The following IGFBP7 variants were observed in gnomAD, a reference collection of about 807,000 sequenced individuals.
The protein encoded by IGFBP7 is insulin like growth factor binding protein 7, also known as insulin-like growth factor-binding protein 7.
A neutral mutation model predicts 29.4 loss-of-function variants in IGFBP7; 31 were observed. The ratio of observed to expected loss-of-function variants is 1.05; its 90% CI spans 0.79 to 1.42. The LOEUF (loss-of-function observed/expected upper bound fraction) is 1.42. IGFBP7 is among the 40% of genes most tolerant of loss of function. The pLI is 0.00. For missense variants in IGFBP7, 393 were observed against 395.5 expected (o/e 0.99, Z 0.05); for synonymous variants, 172 against 174.9 (o/e 0.98, Z 0.13).
chr4:57,061,265 G>T (rs956586893), intron 1 of IGFBP7, among the ~76,000 whole-genome samples: 2 of 151,930 alleles, frequency 1.3e-5, no homozygotes, highest in Non-Finnish European at 2.9e-5. Context: ...GGATAGTACC[G>T]AACTTTATAC....
At chr4:57,079,025 T>C (rs1281498378) in intron 1 of IGFBP7, among the ~76,000 whole-genome samples, 3 of 152,148 alleles carry the variant, frequency 2.0e-5, no homozygotes, top group Non-Finnish European at 4.4e-5. Flanking sequence ...TGAATGTTGT[T>C]CTTCAGAGCT....
intron 1 of IGFBP7, among the ~76,000 whole-genome samples, chr4:57,048,605 G>T (rs1379009143): frequency 6.6e-6 from 1 of 152,136 alleles, no homozygotes; most frequent in African/African-American, 2.4e-5. Flanking sequence ...TTTTGAATTT[G>T]ACCAGCAATT....
intron 4 of IGFBP7, 124 bp from the exon 5 acceptor site, chr4:57,031,460 A>G (rs1233458277): frequency 2.7e-6 from 2 of 728,642 alleles, no homozygotes; most frequent in Non-Finnish European, 4.8e-6. Flanking sequence ...TAAAGGATAT[A>G]TGAGTAATTG....
intron 1 of IGFBP7, among the ~76,000 whole-genome samples, chr4:57,102,703 G>T (rs1307151090): frequency 6.6e-6 from 1 of 152,082 alleles, no homozygotes; most frequent in Admixed American, 6.6e-5. Context: ...GTCCTCTAAG[G>T]CCCCACTTTG....
At chr4:57,038,217 T>C (rs1724129521) in intron 2 of IGFBP7, among the ~76,000 whole-genome samples, 1 of 152,222 alleles carries the variant, frequency 6.6e-6, no homozygotes, top group Non-Finnish European at 1.5e-5. Context: ...TGACCCGACC[T>C]GGGCTTGAGC....
At chr4:57,038,036 G>A (rs1724124827) in intron 2 of IGFBP7, among the ~76,000 whole-genome samples, 1 of 152,146 alleles carries the variant, frequency 6.6e-6, no homozygotes, top group Non-Finnish European at 1.5e-5. Flanking sequence ...TCCTTTAAGA[G>A]AAGCTTCACT....
chr4:57,087,715 C>T (rs1242418368), intron 1 of IGFBP7, among the ~76,000 whole-genome samples: 1 of 152,242 alleles, frequency 6.6e-6, no homozygotes, highest in Non-Finnish European at 1.5e-5. Flanking sequence ...CTAACAGTTA[C>T]AAAGGCTTTC....
At chr4:57,055,776 T>C (rs540924390) in intron 1 of IGFBP7, among the ~76,000 whole-genome samples, 1 of 152,146 alleles carries the variant, frequency 6.6e-6, no homozygotes, top group Non-Finnish European at 1.5e-5. Context: ...GTGTCTGGAG[T>C]GCATGGGTCT....
rs570753002 is a variant in IGFBP7, at chr4:57,094,675, C to T, written c.475+15202G>A. On this transcript the variant is annotated intron_variant, in intron 1 of 4. Transcript: ENST00000295666. ...AAATACTGCTCTGTGCCCTGAATGA[C>T]GTTTTATGCTTTGAGGCATATAAAG... Among the ~76,000 whole-genome samples, 4 of 152,276 alleles carry T rather than the reference C, an allele frequency of 2.6e-5. No individual in the cohort carries two copies. In the East Asian group the frequency reaches 7.7e-4, roughly 29 times the overall value.
At chr4:57,047,719 T>C (rs1724396701) in intron 1 of IGFBP7, among the ~76,000 whole-genome samples, 1 of 152,206 alleles carries the variant, frequency 6.6e-6, no homozygotes, top group Non-Finnish European at 1.5e-5. Context: ...CACCTAAGTC[T>C]GCATACTCCT....
chr4:57,050,287 C>T (rs1724471597), intron 1 of IGFBP7, among the ~76,000 whole-genome samples: 2 of 148,206 alleles, frequency 1.3e-5, no homozygotes, highest in African/African-American at 5.0e-5. Context: ...CTCTTTCGCT[C>T]AGGCAGGAGT....
intron 1 of IGFBP7, among the ~76,000 whole-genome samples, chr4:57,108,568 G>T (rs1726093463): frequency 6.7e-6 from 1 of 149,984 alleles, no homozygotes; most frequent in South Asian, 2.1e-4. Context: ...TTGAGATGGG[G>T]TCTCTGTCTG....
chr4:57,052,656 C>T (rs937699335), intron 1 of IGFBP7, among the ~76,000 whole-genome samples: 9 of 152,112 alleles, frequency 5.9e-5, no homozygotes, highest in Admixed American at 3.9e-4. Flanking sequence ...CTTCCAGGCA[C>T]GTATTTGCAG....
At chr4:57,084,788 GTTTTT>G (rs57704332) in intron 1 of IGFBP7, among the ~76,000 whole-genome samples, 1 of 113,104 alleles carries the variant, frequency 8.8e-6, no homozygotes. Context: ...TTTAAAAAAG[GTTTTT>G]TTTTTTTTTT....
intron 1 of IGFBP7, among the ~76,000 whole-genome samples, chr4:57,070,725 G>C (rs1216352331): frequency 6.6e-6 from 1 of 152,162 alleles, no homozygotes; most frequent in Non-Finnish European, 1.5e-5. Flanking sequence ...GAAGACCTTT[G>C]TTTTCTCTTC....
At position 57,109,982 on chromosome 4, in the gene IGFBP7, C is replaced by T. The variant is rs371933194; in HGVS notation, c.370G>A (p.Gly124Ser). 146 of 1,545,488 alleles carry T rather than the reference C, an allele frequency of 9.4e-5. No individual in the cohort carries two copies. In the African/African-American group the frequency reaches 1.6e-3, roughly 17 times the overall value. The change falls in exon 1 of 5, where the codon GGC becomes AGC. Residue 124 changes from glycine (G) to serine (S), a missense_variant. Physicochemically the swap from Gly to Ser is moderately conservative, Grantham distance 56. Transcript: ENST00000295666. Reference sequence around the variant, plus strand: ...TGGCAGCCGCTCGGGTAGGTGGTGCCGTCGCTGCCGCACACCGGGTAGCGG... The same window carrying T: ...TGGCAGCCGCTCGGGTAGGTGGTGCTGTCGCTGCCGCACACCGGGTAGCGG... ...KSRYPVCGSDGTTYPSGCQLR... is the reference protein window; with the variant it reads ...KSRYPVCGSDSTTYPSGCQLR...
chr4:57,063,972 T>G (rs1278701560), intron 1 of IGFBP7, among the ~76,000 whole-genome samples: 2 of 152,236 alleles, frequency 1.3e-5, no homozygotes, highest in East Asian at 1.9e-4. Flanking sequence ...AGTCAATTTA[T>G]AAAATTTAAA....
At chr4:57,084,788 G>GATTTTTTTTTTT (rs71657252) in intron 1 of IGFBP7, among the ~76,000 whole-genome samples, 1 of 113,084 alleles carries the variant, frequency 8.8e-6, no homozygotes, top group African/African-American at 3.4e-5. Flanking sequence ...TTTAAAAAAG[G>GATTTTTTTTTTT]TTTTTTTTTT....
At position 57,067,084 on chromosome 4, in the gene IGFBP7, T is replaced by C. The variant is rs1463116305; in HGVS notation, c.476-26151A>G. 4.6e-5 allele frequency among the ~76,000 whole-genome samples: 7 copies of C among 152,050 alleles called. No homozygotes were observed. In the East Asian group the frequency reaches 9.6e-4, roughly 21 times the overall value. On this transcript the variant is annotated intron_variant, in intron 1 of 4. Coordinates refer to ENST00000295666, the MANE Select transcript of IGFBP7 (RefSeq NM_001553.3). ...ATAACATATTCAAACAAAGTCCTCA[T>C]GGATGGACAGTTATTTATTTGGGAA...
Sources: gnomAD v4.1 joint callset for allele counts (sites outside exome capture counted in the v4.1 genomes callset) on GRCh38, gnomAD v4.1.1 for gene constraint, MANE v1.5 for transcripts, NCBI Gene and HGNC (gene_info 2026-07-23, HGNC 2026-07-21) for gene names.